The following CACNA2D3 variants were observed in gnomAD, a reference collection of about 807,000 sequenced individuals.
CACNA2D3 encodes the protein calcium voltage-gated channel auxiliary subunit alpha2delta 3.
Under a neutral mutation model 160.6 loss-of-function variants are expected in CACNA2D3, and 60 were observed. That is an observed-to-expected ratio of 0.37 (90% CI 0.30 to 0.46). The LOEUF is 0.46. Among genes scored for constraint, CACNA2D3 ranks in the 20% least tolerant of loss-of-function variants. The pLI is 1.00. For missense variants in CACNA2D3, 1,205 were observed against 1,365.0 expected (o/e 0.88, Z 1.85); for synonymous variants, 558 against 492.9 (o/e 1.13, Z -1.75).
intron 2 of CACNA2D3, among the ~76,000 whole-genome samples, chr3:54,303,818 G>GTTTTTTGTTTTGTTTT (rs59534343): frequency 8.7e-6 from 1 of 115,006 alleles, no homozygotes; most frequent in Non-Finnish European, 1.7e-5. Context: ...CTTTTTTTCT[G>GTTTTTTGTTTTGTTTT]TTTTTTTTTT....
chr3:54,392,983 A>C (rs931759165), intron 4 of CACNA2D3, among the ~76,000 whole-genome samples: 1 of 152,226 alleles, frequency 6.6e-6, no homozygotes, highest in African/African-American at 2.4e-5. Flanking sequence ...CTGCAAAGAC[A>C]GCCAAAGCAA....
chr3:54,305,680 G>A (rs1402270702), intron 2 of CACNA2D3, among the ~76,000 whole-genome samples: 2 of 152,232 alleles, frequency 1.3e-5, no homozygotes, highest in African/African-American at 2.4e-5. Context: ...ACTTTTTCCA[G>A]GACTTCTTGG....
intron 4 of CACNA2D3, among the ~76,000 whole-genome samples, chr3:54,425,633 G>T (rs1193758198): frequency 6.6e-6 from 1 of 152,118 alleles, no homozygotes. Flanking sequence ...AGTGGGTTCG[G>T]GTTTTCCTCT....
intron 11 of CACNA2D3, among the ~76,000 whole-genome samples, chr3:54,662,081 T>C (rs1699983805): frequency 6.6e-6 from 1 of 152,128 alleles, no homozygotes; most frequent in South Asian, 2.1e-4. Context: ...AGGGCAGATA[T>C]CATGTTCCTC....
chr3:54,665,789 A>ATT (rs535697929), intron 11 of CACNA2D3, among the ~76,000 whole-genome samples: 15 of 134,700 alleles, frequency 1.1e-4, no homozygotes, highest in African/African-American at 3.0e-4. Context: ...GAGGATGGTT[A>ATT]TTTTTTTTTT....
At position 54,927,974 on chromosome 3, in the gene CACNA2D3, C is replaced by T. The variant is rs1701074557; in HGVS notation, c.2449+28106C>T. 6 of 1,526,884 alleles carry T rather than the reference C, an allele frequency of 3.9e-6. No homozygotes were observed. The Admixed American group carries it at 5.0e-5, about 13-fold the overall frequency. 94.6% of individuals were successfully genotyped at this position (1,526,884 alleles called of 1,614,324 possible). On this transcript the variant is annotated intron_variant, in intron 27 of 37. Coordinates refer to ENST00000474759, the MANE Select transcript of CACNA2D3 (RefSeq NM_018398.3). ...ACCCTTTAATTAATGTGCAGAGCAA[C>T]ACACGAAGGGCATGGCAGACTCAGA... is the stretch of plus-strand genomic sequence containing the variant.
Position 54,746,535 on chromosome 3 carries a change from C to T in CACNA2D3, c.1168-6064C>T, listed in dbSNP as rs573480408. Among the ~76,000 whole-genome samples the T allele has an allele frequency of 3.0e-3, 452 of 152,238 alleles. 3 individuals are homozygous for T. Among genetic ancestry groups the T allele is most frequent in the African/African-American group, 9.2e-3 (381 of 41,544 alleles). On this transcript the variant is annotated intron_variant, in intron 11 of 37. Coordinates refer to ENST00000474759, the MANE Select transcript of CACNA2D3 (RefSeq NM_018398.3). ...AGATGTCAGGAAGGCATGCCTAATA[C>T]GGAGGCTGCCACTTAGCTAAATTAA...
rs1174603754 is a variant in CACNA2D3, at chr3:55,060,711, G to A, written c.2988-12734G>A. 7.2e-5 allele frequency among the ~76,000 whole-genome samples: 11 copies of A among 151,920 alleles called. No individual in the cohort carries two copies. The East Asian group carries it at 2.1e-3, about 29-fold the overall frequency. On this transcript the variant is annotated intron_variant, in intron 35 of 37. Coordinates refer to ENST00000474759, the MANE Select transcript of CACNA2D3 (RefSeq NM_018398.3). Reference sequence around the variant, plus strand: ...ACAAACTCCTTACTCTTCTTAAGGGGATTAGAAGAAAAATGGTTCATGTCA... The same window carrying A: ...ACAAACTCCTTACTCTTCTTAAGGGAATTAGAAGAAAAATGGTTCATGTCA...
At chr3:54,393,965 C>G (rs929986460) in intron 4 of CACNA2D3, among the ~76,000 whole-genome samples, 1 of 152,184 alleles carries the variant, frequency 6.6e-6, no homozygotes, top group Non-Finnish European at 1.5e-5. Flanking sequence ...ATTTTGGGTA[C>G]CTTGTTGCTG....
At chr3:54,495,471 A>G (rs1701188947) in intron 4 of CACNA2D3, among the ~76,000 whole-genome samples, 1 of 152,192 alleles carries the variant, frequency 6.6e-6, no homozygotes, top group Non-Finnish European at 1.5e-5. Context: ...CAATTTGGCC[A>G]GGTGCAGTGG....
chr3:54,528,467 G>A (rs1036416007), intron 5 of CACNA2D3, among the ~76,000 whole-genome samples: 1 of 151,502 alleles, frequency 6.6e-6, no homozygotes, highest in African/African-American at 2.4e-5. Context: ...CCACAACTTG[G>A]ATGTCCTGGT....
At chr3:54,978,753 C>G (rs958409108) in intron 29 of CACNA2D3, among the ~76,000 whole-genome samples, 2 of 152,136 alleles carry the variant, frequency 1.3e-5, no homozygotes, top group Non-Finnish European at 2.9e-5. Context: ...ATTACCCATC[C>G]CTGTTGTTTC....
chr3:54,142,476 G>T (rs981775236), intron 2 of CACNA2D3, among the ~76,000 whole-genome samples: 1 of 152,102 alleles, frequency 6.6e-6, no homozygotes, highest in African/African-American at 2.4e-5. Context: ...AGCTGACCTT[G>T]ATTTCTAATT....
intron 2 of CACNA2D3, among the ~76,000 whole-genome samples, chr3:54,316,952 G>C (rs762615566): frequency 5.9e-5 from 9 of 152,118 alleles, no homozygotes; most frequent in Non-Finnish European, 1.2e-4. Context: ...TCTTTATCTT[G>C]AGCCTCTAGA....
intron 6 of CACNA2D3, among the ~76,000 whole-genome samples, chr3:54,569,284 A>G (rs1254310663): frequency 2.0e-5 from 3 of 152,234 alleles, no homozygotes; most frequent in African/African-American, 7.2e-5. Flanking sequence ...AAGCCAGGCC[A>G]AAATTTCTGA....
chr3:54,721,690 G>A (rs1361255055), intron 11 of CACNA2D3, among the ~76,000 whole-genome samples: 1 of 151,200 alleles, frequency 6.6e-6, no homozygotes, highest in Non-Finnish European at 1.5e-5. Flanking sequence ...GAACCCAGGA[G>A]GTGGAGTTTG....
chr3:54,647,766 T>A (rs1207565000), intron 11 of CACNA2D3, among the ~76,000 whole-genome samples: 2 of 152,226 alleles, frequency 1.3e-5, no homozygotes, highest in Non-Finnish European at 2.9e-5. Context: ...GCATTATTGG[T>A]GATTTTAACT....
chr3:54,459,253 G>A (rs1366250373), intron 4 of CACNA2D3, among the ~76,000 whole-genome samples: 2 of 151,374 alleles, frequency 1.3e-5, no homozygotes, highest in South Asian at 4.2e-4. Flanking sequence ...TGTCTTTATA[G>A]CAGCATGATT....
At chr3:54,821,660 C>CTT (rs1459181304) in intron 14 of CACNA2D3, among the ~76,000 whole-genome samples, 3 of 102,666 alleles carry the variant, frequency 2.9e-5, no homozygotes, top group Non-Finnish European at 6.4e-5. Context: ...TTCTTTCTTT[C>CTT]TTTCTTTCTT....
Sources: allele counts gnomAD v4.1 joint callset (sites outside exome capture counted in the v4.1 genomes callset), GRCh38; gene constraint gnomAD v4.1.1; transcripts MANE v1.5; gene names NCBI Gene and HGNC (gene_info 2026-07-23, HGNC 2026-07-21).